CADPS2: variants seen among roughly 807,000 people sequenced by gnomAD.
CADPS2 encodes calcium dependent secretion activator 2.
A neutral mutation model predicts 172.5 loss-of-function variants in CADPS2; 93 were observed. The observed-to-expected ratio is 0.54, with a 90% CI of 0.46 to 0.64. The LOEUF is 0.64. Ranked by LOEUF, CADPS2 falls within the 30% of genes least tolerant of loss-of-function variation. The pLI is 0.00. For missense variants in CADPS2, 1,420 were observed against 1,565.9 expected, an observed-to-expected ratio of 0.91 and a Z score of 1.57; for synonymous variants, 546 against 555.2, an observed-to-expected ratio of 0.98 and a Z score of 0.23.
intron 8 of CADPS2, among the ~76,000 whole-genome samples, chr7:122,523,179 A>G (rs1234895803): frequency 6.6e-6 from 1 of 152,174 alleles, no homozygotes; most frequent in Non-Finnish European, 1.5e-5. Flanking sequence ...ACTAGTTTAC[A>G]TTCCCACCAA....
intron 2 of CADPS2, among the ~76,000 whole-genome samples, chr7:122,700,733 C>T (rs1489946489): frequency 2.0e-5 from 3 of 152,042 alleles, no homozygotes; most frequent in Non-Finnish European, 4.4e-5. Context: ...CATTCATTAC[C>T]ATTTGGAGAG....
intron 7 of CADPS2, among the ~76,000 whole-genome samples, chr7:122,558,574 A>G (rs1322719152): frequency 2.0e-5 from 3 of 152,158 alleles, no homozygotes; most frequent in Admixed American, 1.3e-4. Flanking sequence ...GTCACTTGTC[A>G]TCTTTGCTAA....
intron 17 of CADPS2, among the ~76,000 whole-genome samples, chr7:122,428,002 C>G (rs1376664157): frequency 6.6e-6 from 1 of 152,046 alleles, no homozygotes; most frequent in East Asian, 1.9e-4. Flanking sequence ...TTTATCAAAG[C>G]TAATTCCTGG....
intron 13 of CADPS2, 98 bp downstream of exon 13, chr7:122,474,283 C>T (rs1213875268): frequency 5.5e-5 from 70 of 1,278,156 alleles, no homozygotes; most frequent in Non-Finnish European, 7.3e-5. Context: ...TGGTTTATAA[C>T]AAGTATTTCT....
intron 1 of CADPS2, among the ~76,000 whole-genome samples, chr7:122,826,022 G>C (rs1236652697): frequency 6.6e-6 from 1 of 152,162 alleles, no homozygotes; most frequent in Non-Finnish European, 1.5e-5. Flanking sequence ...CACCTCCTGT[G>C]TCCATGGAGA....
intron 8 of CADPS2, among the ~76,000 whole-genome samples, chr7:122,521,619 A>T (rs1474145557): frequency 6.6e-6 from 1 of 152,072 alleles, no homozygotes; most frequent in Admixed American, 6.6e-5. Flanking sequence ...GGGAAACAGT[A>T]AAAGAGAGGT....
intron 8 of CADPS2, among the ~76,000 whole-genome samples, chr7:122,540,574 T>C (rs1237972242): frequency 6.6e-6 from 1 of 152,104 alleles, no homozygotes; most frequent in African/African-American, 2.4e-5. Context: ...TAATTAGTAA[T>C]GTATCTCCTG....
intron 1 of CADPS2, among the ~76,000 whole-genome samples, chr7:122,804,153 G>A (rs142551042): frequency 8.7e-4 from 132 of 152,260 alleles, no homozygotes; most frequent in Non-Finnish European, 1.4e-3. Context: ...TAGAGGTGAA[G>A]CTTTAATCCT....
At chr7:122,661,114 T>C (rs2080479944) in intron 3 of CADPS2, among the ~76,000 whole-genome samples, 1 of 152,156 alleles carries the variant, frequency 6.6e-6, no homozygotes, top group Non-Finnish European at 1.5e-5. Context: ...AAAGGAATAC[T>C]ACATCACGAT....
chr7:122,653,931 T>C (rs989475383), intron 3 of CADPS2, among the ~76,000 whole-genome samples: 1 of 152,152 alleles, frequency 6.6e-6, no homozygotes, highest in Non-Finnish European at 1.5e-5. Context: ...CACACTAACA[T>C]TGAAAATAGG....
At chr7:122,524,495 G>A (rs1289316762) in intron 8 of CADPS2, among the ~76,000 whole-genome samples, 1 of 152,078 alleles carries the variant, frequency 6.6e-6, no homozygotes, top group Non-Finnish European at 1.5e-5. Context: ...GATACAAGGA[G>A]GTACTGTGAA....
chr7:122,391,187 G>A (rs2151473019), intron 22 of CADPS2, among the ~76,000 whole-genome samples: 1 of 152,084 alleles, frequency 6.6e-6, no homozygotes, highest in Non-Finnish European at 1.5e-5. Flanking sequence ...CTCTGACAAA[G>A]AACCTAATGT....
At chr7:122,855,501 T>A (rs1218440302) in intron 1 of CADPS2, among the ~76,000 whole-genome samples, 1 of 152,030 alleles carries the variant, frequency 6.6e-6, no homozygotes, top group Non-Finnish European at 1.5e-5. Context: ...ATTTAAAAAA[T>A]AACAGTGGCA....
intron 24 of CADPS2, among the ~76,000 whole-genome samples, chr7:122,380,767 A>G (rs1010355480): frequency 6.6e-6 from 1 of 152,128 alleles, no homozygotes. Context: ...TTCTGGGCAC[A>G]TATTGCACCC....
intron 8 of CADPS2, among the ~76,000 whole-genome samples, chr7:122,513,982 C>G (rs1270551709): frequency 1.3e-5 from 2 of 152,134 alleles, no homozygotes; most frequent in Non-Finnish European, 2.9e-5. Flanking sequence ...GGCTTTTCTT[C>G]AACTTTGCAT....
At chr7:122,698,986 A>G in intron 2 of CADPS2, 3 of 1,159,300 alleles carry the variant, frequency 2.6e-6, no homozygotes, top group Non-Finnish European at 3.6e-6. Flanking sequence ...TTAATTTAAA[A>G]TAACGAAGAG....
intron 6 of CADPS2, among the ~76,000 whole-genome samples, chr7:122,594,840 A>G (rs1184327138): frequency 1.3e-5 from 2 of 151,958 alleles, no homozygotes; most frequent in East Asian, 3.9e-4. Context: ...AATGTACAAA[A>G]AAGCACAGTG....
chr7:122,322,348 T>C (rs954753596), intron 29 of CADPS2, among the ~76,000 whole-genome samples: 2 of 152,254 alleles, frequency 1.3e-5, no homozygotes, highest in Admixed American at 6.5e-5. Context: ...AATTTATATA[T>C]AATTAAGACC....
At chr7:122,828,069 C>T (rs1428093349) in intron 1 of CADPS2, among the ~76,000 whole-genome samples, 1 of 152,116 alleles carries the variant, frequency 6.6e-6, no homozygotes, top group East Asian at 1.9e-4. Flanking sequence ...TTAATGTTCA[C>T]TTCATTTTGA....
Sources: allele counts gnomAD v4.1 joint callset (sites outside exome capture counted in the v4.1 genomes callset), GRCh38; gene constraint gnomAD v4.1.1; transcripts MANE v1.5; gene names NCBI Gene and HGNC (gene_info 2026-07-23, HGNC 2026-07-21).